Variants in C8A observed in about 807,000 individuals in gnomAD.
C8A encodes the protein complement component C8 alpha chain.
A neutral mutation model predicts 65.3 loss-of-function variants in C8A; 67 were observed. The observed-to-expected ratio is 1.03, with a 90% confidence interval of 0.84 to 1.26. The LOEUF (loss-of-function observed/expected upper bound fraction) is 1.26. C8A is among the 50% of genes most tolerant of loss of function. The pLI is 0.00. For synonymous variants in C8A, 290 were observed against 259.4 expected (o/e 1.12, Z -1.13); for missense variants, 781 against 723.9 (o/e 1.08, Z -0.90).
chr1:56,913,306 T>A (rs1371716651), intron 10 of C8A, among the ~76,000 whole-genome samples: 1 of 152,218 alleles, frequency 6.6e-6, no homozygotes, highest in African/African-American at 2.4e-5. Flanking sequence ...TGAACATATC[T>A]TTTGAGGAAA....
rs774934813 is a variant in C8A at position 56,906,804 on chromosome 1, G to C, written c.1222+12G>C. On this transcript the variant is annotated intron_variant, in intron 8 of 10. Coordinates refer to ENST00000361249, the MANE Select transcript of C8A (RefSeq NM_000562.3). ...AGGTGGCAAAACTGGCAAGTGTTTAGTAATAGATCTCCCAAAAAGAGAAGC... is the reference window on the plus strand; with the variant it reads ...AGGTGGCAAAACTGGCAAGTGTTTACTAATAGATCTCCCAAAAAGAGAAGC... The C allele has an allele frequency of 6.2e-7, 1 of 1,613,996 alleles. No homozygotes were observed. Among genetic ancestry groups the C allele is most frequent in the South Asian group, 1.1e-5 (1 of 91,080 alleles).
intron 7 of C8A, 95 bp from the exon 8 acceptor site, chr1:56,906,572 G>A (rs1394077951): frequency 1.3e-6 from 2 of 1,496,762 alleles, no homozygotes; most frequent in African/African-American, 1.4e-5. Flanking sequence ...GGACTCCAAA[G>A]CTGAAGCTAG....
chr1:56,898,357 A>T (rs1557711424), intron 7 of C8A, among the ~76,000 whole-genome samples: 1 of 152,092 alleles, frequency 6.6e-6, no homozygotes, highest in Non-Finnish European at 1.5e-5. Flanking sequence ...GCGTCTGGAA[A>T]AGAAGGCCAG....
At chr1:56,885,056 G>T (rs1241806088) in intron 6 of C8A, among the ~76,000 whole-genome samples, 3 of 132,504 alleles carry the variant, frequency 2.3e-5, no homozygotes, top group East Asian at 5.0e-4. Context: ...GGTGGGAATA[G>T]ATTGGGAGAA....
intron 7 of C8A, among the ~76,000 whole-genome samples, chr1:56,898,844 G>T (rs1644404598): frequency 6.6e-6 from 1 of 152,142 alleles, no homozygotes; most frequent in South Asian, 2.1e-4. Flanking sequence ...TCCTAACACT[G>T]CAGAGTCAGG....
chr1:56,908,011 C>T lies in C8A; in HGVS notation c.1278C>T (p.Gly426=). ...VEDIISRVRG[G]SSGWSGGLAQ... is the part of the protein sequence containing the mutation. ...ACATTATTTCTCGGGTGCGAGGTGGCAGTTCTGGCTGGAGCGGTGGCTTGG... is the reference window on the plus strand; with the variant it reads ...ACATTATTTCTCGGGTGCGAGGTGGTAGTTCTGGCTGGAGCGGTGGCTTGG... The change falls in exon 9 of 11, where the codon GGC becomes GGT. Residue 426 remains glycine, a synonymous_variant. Coordinates refer to ENST00000361249, the MANE Select transcript of C8A (RefSeq NM_000562.3). 1 of 1,614,146 alleles carries T rather than the reference C, an allele frequency of 6.2e-7. No individual in the cohort carries two copies. Among genetic ancestry groups the T allele is most frequent in the Admixed American group, 1.7e-5 (1 of 60,022 alleles).
chr1:56,869,497 T>A (rs1259267168), intron 2 of C8A, among the ~76,000 whole-genome samples: 1 of 152,212 alleles, frequency 6.6e-6, no homozygotes, highest in Non-Finnish European at 1.5e-5. Context: ...CAGTCTCTTT[T>A]GTATATAATG....
chr1:56,913,220 T>C (rs1294262377), intron 10 of C8A, among the ~76,000 whole-genome samples: 3 of 152,226 alleles, frequency 2.0e-5, no homozygotes, highest in Non-Finnish European at 2.9e-5. Context: ...CAGCATGACC[T>C]CATTTTAATG....
At chr1:56,863,496 G>A (rs980062035) in intron 1 of C8A, among the ~76,000 whole-genome samples, 6 of 152,086 alleles carry the variant, frequency 3.9e-5, no homozygotes, top group African/African-American at 1.4e-4. Flanking sequence ...GTTTCCCTCT[G>A]GTTTGACACA....
At chr1:56,889,048 A>G (rs577205418) in intron 7 of C8A, among the ~76,000 whole-genome samples, 4 of 152,200 alleles carry the variant, frequency 2.6e-5, no homozygotes, top group Admixed American at 2.6e-4. Flanking sequence ...TCCTCTTTAA[A>G]ATCTGTGAGG....
chr1:56,881,605 C>G lies in C8A; in HGVS notation c.625C>G (p.Pro209Ala). ...YGDDEKYFRK[P>A]YNFLKYHFEA... The stretch of plus-strand genomic sequence containing the variant: ...AGATGATGAGAAATACTTTCGGAAA[C>G]CCTACAACTTTCTGAAGTACCACTT... Residue 209 changes from proline (P) to alanine (A), a missense_variant, in exon 5 of 11, where the codon CCC (proline) becomes GCC (alanine). Pro to Ala is a conservative substitution (Grantham distance 27). Coordinates refer to ENST00000361249, the MANE Select transcript of C8A (RefSeq NM_000562.3). The G allele has an allele frequency of 6.2e-7, 1 of 1,613,500 alleles. No homozygotes were observed. Among genetic ancestry groups the G allele is most frequent in the South Asian group, 1.1e-5 (1 of 91,066 alleles).
At chr1:56,902,111 G>A (rs1450272722) in intron 7 of C8A, among the ~76,000 whole-genome samples, 1 of 152,142 alleles carries the variant, frequency 6.6e-6, no homozygotes, top group Non-Finnish European at 1.5e-5. Context: ...AAACCCTCCT[G>A]TACCCTCACA....
chr1:56,900,871 T>C (rs1644421640), intron 7 of C8A, among the ~76,000 whole-genome samples: 1 of 151,836 alleles, frequency 6.6e-6, no homozygotes, highest in Non-Finnish European at 1.5e-5. Flanking sequence ...GACCAAGAAA[T>C]TGACAATTAC....
At chr1:56,898,681 T>C (rs896356383) in intron 7 of C8A, among the ~76,000 whole-genome samples, 1 of 152,214 alleles carries the variant, frequency 6.6e-6, no homozygotes, top group Middle Eastern at 3.4e-3. Flanking sequence ...ATCACACTAT[T>C]GCAGCTGCTT....
In C8A at chr1:56,859,067, G is replaced by A. The variant is rs60638499; in HGVS notation, c.77+4089G>A. ...TTATTACCCTATTTCTCTTTTGTCA[G>A]AAATCCTTCAGAATACATCTCAGAA... is the stretch of plus-strand genomic sequence containing the variant. On this transcript the variant is annotated intron_variant, in intron 1 of 10. Coordinates refer to ENST00000361249, the MANE Select transcript of C8A (RefSeq NM_000562.3). Among the ~76,000 whole-genome samples the A allele has an allele frequency of 4.1e-4, 63 of 152,288 alleles. No individual in the cohort carries two copies. In the East Asian group the frequency reaches 0.012, roughly 28 times the overall value.
intron 6 of C8A, among the ~76,000 whole-genome samples, chr1:56,885,372 AT>A (rs1644286130): frequency 2.8e-5 from 3 of 108,494 alleles, no homozygotes; most frequent in African/African-American, 9.4e-5. Flanking sequence ...ATATATATTT[AT>A]ATTTATTTAA....
At chr1:56,917,423 C>T (rs1046918837) in intron 10 of C8A, 142 bp from the exon 11 acceptor site, 3 of 798,136 alleles carry the variant, frequency 3.8e-6, no homozygotes, top group Admixed American at 4.0e-5. Context: ...TACGTACCTC[C>T]AACAAGCTGC....
chr1:56,872,787 G>A (rs1360589258), intron 2 of C8A, among the ~76,000 whole-genome samples: 2 of 152,188 alleles, frequency 1.3e-5, no homozygotes, highest in South Asian at 2.1e-4. Flanking sequence ...AATGTGGATA[G>A]CAGTTACACT....
intron 2 of C8A, among the ~76,000 whole-genome samples, chr1:56,872,449 G>GA (rs748964956): frequency 7.5e-4 from 114 of 151,960 alleles, no homozygotes; most frequent in Non-Finnish European, 1.4e-3. Flanking sequence ...GAAAAATACA[G>GA]AAAAAAATTT....
Sources: gnomAD v4.1 joint callset for allele counts (sites outside exome capture counted in the v4.1 genomes callset) on GRCh38, gnomAD v4.1.1 for gene constraint, MANE v1.5 for transcripts, NCBI Gene and HGNC (gene_info 2026-07-23, HGNC 2026-07-21) for gene names.